Variants in RANBP2 observed in about 807,000 individuals in gnomAD.
RANBP2 encodes E3 SUMO-protein ligase RanBP2.
Under a neutral mutation model 303.6 loss-of-function variants are expected in RANBP2, and 57 were observed. The observed-to-expected ratio is 0.19, with a 90% CI of 0.15 to 0.23. RANBP2 has a LOEUF of 0.23. Among genes scored for constraint, RANBP2 ranks in the 10% least tolerant of loss-of-function variants. The pLI is 1.00. For missense variants in RANBP2, 3,138 were observed against 3,780.8 expected, an observed-to-expected ratio of 0.83 and a Z score of 4.46; for synonymous variants, 1,167 against 1,301.5, an observed-to-expected ratio of 0.90 and a Z score of 2.23.
chr2:109,461,039 G>A, the RANBP2 span, among the ~76,000 whole-genome samples: 16 of 152,350 alleles, frequency 1.1e-4, no homozygotes, highest in East Asian at 2.7e-3. Flanking sequence ...GAGGCCACAG[G>A]TGCAGGCTGG....
chr2:109,438,143 G>A, the RANBP2 span, among the ~76,000 whole-genome samples: 1 of 152,214 alleles, frequency 6.6e-6, no homozygotes, highest in Non-Finnish European at 1.5e-5. Flanking sequence ...GTGGAAAGAG[G>A]AGACAACACT....
At chr2:108,799,533 T>C in the RANBP2 span, among the ~76,000 whole-genome samples, 1 of 152,186 alleles carries the variant, frequency 6.6e-6, no homozygotes, top group Non-Finnish European at 1.5e-5. Context: ...CAGAATGTCA[T>C]GTTAATAGCA....
At chr2:109,219,778 A>G in the RANBP2 span, among the ~76,000 whole-genome samples, 2 of 152,230 alleles carry the variant, frequency 1.3e-5, no homozygotes, top group African/African-American at 4.8e-5. Flanking sequence ...CATGTTTTTG[A>G]TACAAATAAG....
chr2:109,118,889 G>T, the RANBP2 span, among the ~76,000 whole-genome samples: 1 of 152,224 alleles, frequency 6.6e-6, no homozygotes. Context: ...GGGTGAGGCT[G>T]GCAGTTCTCC....
At position 108,777,139 on chromosome 2, in the gene RANBP2, A is replaced by G; in HGVS notation, c.8507A>G (p.Lys2836Arg). 1 of 1,613,278 alleles carries G rather than the reference A, an allele frequency of 6.2e-7. No individual in the cohort carries two copies. The highest frequency in any genetic ancestry group is 8.5e-7 in the Non-Finnish European group (1 of 1,179,440). The stretch of plus-strand genomic sequence containing the variant: ...TTTTTTCTTTTGCCAGGGGAAAGCA[A>G]GATAGTTTCATTTGGATTTGGAAGT... ...DTDSTSQGESKIVSFGFGSST... is the reference protein window; with the variant it reads ...DTDSTSQGESRIVSFGFGSST... The change falls in exon 25 of 29, where the codon AAG becomes AGG. Residue 2836 changes from lysine (K) to arginine (R), a missense_variant. Coordinates refer to ENST00000283195, the MANE Select transcript of RANBP2 (RefSeq NM_006267.5).
the RANBP2 span, among the ~76,000 whole-genome samples, chr2:109,253,568 G>A: frequency 1.1e-4 from 17 of 152,270 alleles, no homozygotes; most frequent in South Asian, 3.3e-3. Flanking sequence ...GATCTAAGAT[G>A]TTGAGGCAGC....
At chr2:109,656,313 A>T in the RANBP2 span, among the ~76,000 whole-genome samples, 1 of 151,336 alleles carries the variant, frequency 6.6e-6, no homozygotes, top group East Asian at 1.9e-4. Context: ...TTAATTTGCA[A>T]CTCCTTTTCT....
At chr2:109,286,338 C>G in the RANBP2 span, among the ~76,000 whole-genome samples, 3 of 152,324 alleles carry the variant, frequency 2.0e-5, no homozygotes, top group East Asian at 5.8e-4. Context: ...TGAAGGTGTG[C>G]TGCCCACGCA....
intron 18 of RANBP2, 38 bp from the exon 19 acceptor site, chr2:108,762,061 CTT>C (rs771369374): frequency 6.3e-7 from 1 of 1,595,966 alleles, no homozygotes; most frequent in African/African-American, 1.3e-5. Context: ...GTAGTATAGA[CTT>C]TAACAGTGTT....
chr2:109,343,153 G>A, the RANBP2 span, among the ~76,000 whole-genome samples: 2 of 152,104 alleles, frequency 1.3e-5, no homozygotes, highest in East Asian at 3.9e-4. Context: ...GGTTGCTGCC[G>A]TGAAATCAGC....
At chr2:109,501,185 G>A in the RANBP2 span, among the ~76,000 whole-genome samples, 2 of 152,138 alleles carry the variant, frequency 1.3e-5, no homozygotes, top group African/African-American at 2.4e-5. Flanking sequence ...CTAGGTGGGT[G>A]GGCCAGGGCA....
the RANBP2 span, among the ~76,000 whole-genome samples, chr2:109,655,358 G>T: frequency 1.3e-5 from 2 of 152,168 alleles, no homozygotes. Flanking sequence ...TGTCCAGATA[G>T]AAAAACTGGT....
At chr2:109,092,068 T>G in the RANBP2 span, among the ~76,000 whole-genome samples, 1 of 151,870 alleles carries the variant, frequency 6.6e-6, no homozygotes, top group Admixed American at 6.6e-5. Flanking sequence ...AATCTTGGAG[T>G]TCTTGGTTAG....
the RANBP2 span, chr2:109,614,682 A>G: frequency 1.3e-6 from 2 of 1,486,578 alleles, no homozygotes; most frequent in East Asian, 2.9e-5. Flanking sequence ...CGCCGTGGCC[A>G]CTGTGCGCGT....
chr2:109,322,671 C>T, the RANBP2 span, among the ~76,000 whole-genome samples: 1 of 152,214 alleles, frequency 6.6e-6, no homozygotes, highest in African/African-American at 2.4e-5. Context: ...AAAAAGGACT[C>T]ATTAGCTGAG....
chr2:109,572,609 C>CAT, the RANBP2 span, among the ~76,000 whole-genome samples: 1 of 111,202 alleles, frequency 9.0e-6, no homozygotes, highest in African/African-American at 3.8e-5. Flanking sequence ...TTTAAAACAA[C>CAT]TTTTTTTTTT....
the RANBP2 span, among the ~76,000 whole-genome samples, chr2:109,609,572 C>T: frequency 9.6e-3 from 1,419 of 147,902 alleles, 65 homozygotes; most frequent in East Asian, 0.13. Flanking sequence ...GCCGAGATCG[C>T]GCCACTGCAC....
intron 6 of RANBP2, among the ~76,000 whole-genome samples, chr2:108,738,873 A>G (rs1404638581): frequency 3.4e-5 from 5 of 147,420 alleles, no homozygotes; most frequent in Admixed American, 6.8e-5. Flanking sequence ...CAGGTGATCC[A>G]CCCGCCTTGG....
At chr2:109,026,341 C>G in the RANBP2 span, among the ~76,000 whole-genome samples, 7 of 122,154 alleles carry the variant, frequency 5.7e-5, no homozygotes, top group Admixed American at 2.2e-4. Context: ...GTTGCTCAGG[C>G]TGGTCCTGAA....
Sources: gnomAD v4.1 joint callset for allele counts (sites outside exome capture counted in the v4.1 genomes callset) on GRCh38, gnomAD v4.1.1 for gene constraint, MANE v1.5 for transcripts, NCBI Gene and HGNC (gene_info 2026-07-23, HGNC 2026-07-21) for gene names.